Variants in CEP192 observed in about 807,000 individuals in gnomAD.
CEP192 encodes centrosomal protein 192.
A neutral mutation model predicts 271.8 loss-of-function variants in CEP192; 151 were observed. The observed-to-expected ratio is 0.56, with a 90% CI of 0.49 to 0.64. The LOEUF is 0.64. Among genes scored for constraint, CEP192 ranks in the 30% least tolerant of loss-of-function variants. The pLI is 0.00. For missense variants in CEP192, 2,910 were observed against 3,020.5 expected (o/e 0.96, Z 0.86); for synonymous variants, 995 against 1,076.5 (o/e 0.92, Z 1.48).
intron 6 of CEP192, among the ~76,000 whole-genome samples, chr18:13,015,738 A>T (rs1440828895): frequency 3.3e-5 from 5 of 151,834 alleles, no homozygotes; most frequent in Admixed American, 3.3e-4. Context: ...AAATTAGGGG[A>T]ACCATGAAAT....
At chr18:13,112,068 G>T (rs1312267984) in intron 40 of CEP192, among the ~76,000 whole-genome samples, 1 of 152,202 alleles carries the variant, frequency 6.6e-6, no homozygotes, top group Non-Finnish European at 1.5e-5. Context: ...TAATTTGGCA[G>T]TTTCTCAATA....
chr18:13,039,559 C>T (rs2036093207), intron 13 of CEP192, among the ~76,000 whole-genome samples: 1 of 152,010 alleles, frequency 6.6e-6, no homozygotes, highest in Non-Finnish European at 1.5e-5. Context: ...AGGTAGGAAC[C>T]AGGGTGGCAT....
In CEP192 at chr18:13,001,594, C is replaced by T; in HGVS notation, c.290+12C>T. 1 of 1,542,018 alleles carries T rather than the reference C, an allele frequency of 6.5e-7. No homozygotes were observed. The highest frequency in any genetic ancestry group is 8.7e-7 in the Non-Finnish European group (1 of 1,144,298). On this transcript the variant is annotated intron_variant, in intron 3 of 44. Transcript: ENST00000506447. Reference sequence around the variant, plus strand: ...TTCCAGGATGATGAGTAAGTTCATACCTTCATTTGCTTGTACTGTGTTAAA... The same window carrying T: ...TTCCAGGATGATGAGTAAGTTCATATCTTCATTTGCTTGTACTGTGTTAAA...
intron 17 of CEP192, 116 bp from the exon 18 acceptor site, chr18:13,052,803 A>T: frequency 1.5e-6 from 1 of 682,086 alleles, no homozygotes; most frequent in Non-Finnish European, 2.4e-6. Flanking sequence ...AAGTGTAAAC[A>T]TTGAATTTGT....
At chr18:13,014,241 TTAA>T (rs2034518327) in intron 5 of CEP192, among the ~76,000 whole-genome samples, 1 of 152,108 alleles carries the variant, frequency 6.6e-6, no homozygotes, top group South Asian at 2.1e-4. Flanking sequence ...ATTTTTGAAA[TTAA>T]TAATATAAGG....
At position 13,050,752 on chromosome 18, in the gene CEP192, G is replaced by A. The variant is rs141655835; in HGVS notation, c.3017+861G>A. On this transcript the variant is annotated intron_variant, in intron 17 of 44. Coordinates refer to ENST00000506447, the MANE Select transcript of CEP192 (RefSeq NM_032142.4). ...GTGCCACCATGCCTGGCTAATTTTT[G>A]TATTTTTAGTAGAGATGGGGTTTCA... Among the ~76,000 whole-genome samples, 104 of 151,874 alleles carry A rather than the reference G, an allele frequency of 6.8e-4. 2 individuals are homozygous for A. The highest frequency in any genetic ancestry group is 2.0e-3 in the African/African-American group (83 of 41,432).
chr18:13,038,614 A>G (rs1039571278), intron 13 of CEP192, 35 bp downstream of exon 13: 2 of 1,461,310 alleles, frequency 1.4e-6, no homozygotes, highest in Admixed American at 3.9e-5. Context: ...GCTCACAGTC[A>G]CCAGATTTTA....
At position 13,059,282 on chromosome 18, in the gene CEP192, C is replaced by T. The variant is rs375744180; in HGVS notation, c.4458C>T (p.Leu1486=). ...QAEALASTVT[L]TAIAESPVIE... ...AAGCTTTGGCCAGCACCGTCACTCT[C>T]ACTGCCATTGCCGAGAGTCCTGTTA... The change falls in exon 21 of 45, where the codon CTC becomes CTT. Residue 1486 remains leucine (L), a synonymous_variant. Coordinates refer to ENST00000506447, the MANE Select transcript of CEP192 (RefSeq NM_032142.4). 43 of 1,614,142 alleles carry T rather than the reference C, an allele frequency of 2.7e-5. No homozygotes were observed. The African/African-American group carries it at 5.3e-4, about 20-fold the overall frequency.
At chr18:12,993,119 C>T (rs2032979757) in intron 1 of CEP192, among the ~76,000 whole-genome samples, 1 of 152,152 alleles carries the variant, frequency 6.6e-6, no homozygotes, top group South Asian at 2.1e-4. Flanking sequence ...TGGGTCTCAG[C>T]TCCAGAAGTG....
chr18:13,032,928 A>G (rs1004663686), intron 11 of CEP192, among the ~76,000 whole-genome samples: 1 of 151,900 alleles, frequency 6.6e-6, no homozygotes, highest in Admixed American at 6.6e-5. Flanking sequence ...CTAAGAACAC[A>G]CACTCTATAG....
chr18:13,059,556 C>T (rs981193343), intron 21 of CEP192, among the ~76,000 whole-genome samples: 9 of 152,064 alleles, frequency 5.9e-5, no homozygotes, highest in Non-Finnish European at 1.2e-4. Flanking sequence ...CACTATTTTC[C>T]ACTGATTTCC....
rs756817438 is a variant in CEP192 at position 13,113,618 on chromosome 18, G to A, written c.7080G>A (p.Gly2360=). ...VSITFLPRGR[G]DYAQFWDVEC... ...TCACATTTTTGCCCAGAGGTAGGGG[G>A]GATTATGCCCAGTTTTGGGATGTTG... Residue 2360 remains glycine, a synonymous_variant, in exon 41 of 45, where the codon GGG becomes GGA. Transcript: ENST00000506447. 76 of 1,613,046 alleles carry A rather than the reference G, an allele frequency of 4.7e-5. No homozygotes were observed. The highest frequency in any genetic ancestry group is 6.4e-5 in the Non-Finnish European group (75 of 1,179,500).
intron 12 of CEP192, 123 bp from the exon 13 acceptor site, chr18:13,038,247 T>G (rs535335629): frequency 2.3e-5 from 17 of 742,974 alleles, no homozygotes; most frequent in African/African-American, 1.1e-4. Context: ...ATTTTTTTTT[T>G]GTCTAGTTTT....
intron 1 of CEP192, among the ~76,000 whole-genome samples, chr18:12,994,369 AGG>A (rs1318808880): frequency 6.6e-6 from 1 of 152,030 alleles, no homozygotes; most frequent in African/African-American, 2.4e-5. Context: ...GACCTGTGGT[AGG>A]GGTGGGCTTT....
intron 44 of CEP192, among the ~76,000 whole-genome samples, chr18:13,122,206 G>A (rs1189133743): frequency 5.9e-5 from 9 of 152,188 alleles, no homozygotes; most frequent in African/African-American, 2.2e-4. Flanking sequence ...GGTGAATCAC[G>A]AGGTCAAGAG....
At chr18:13,069,706 G>T in intron 26 of CEP192, 32 bp from the exon 27 acceptor site, 1 of 1,279,820 alleles carries the variant, frequency 7.8e-7, no homozygotes. Context: ...TTGTAAGTCG[G>T]CATTCAATTA....
At chr18:13,006,142 A>G (rs897099974) in intron 3 of CEP192, among the ~76,000 whole-genome samples, 23 of 151,868 alleles carry the variant, frequency 1.5e-4, no homozygotes, top group South Asian at 1.0e-3. Flanking sequence ...GGGTTGTTCT[A>G]TATCTACTTT....
chr18:13,054,942 C>T (rs1309120231), intron 18 of CEP192, among the ~76,000 whole-genome samples: 2 of 152,052 alleles, frequency 1.3e-5, no homozygotes, highest in African/African-American at 4.8e-5. Context: ...TTCATAGAGC[C>T]ACACAAGTTT....
At chr18:13,118,107 A>C (rs1290707869) in intron 44 of CEP192, among the ~76,000 whole-genome samples, 1 of 152,144 alleles carries the variant, frequency 6.6e-6, no homozygotes, top group African/African-American at 2.4e-5. Flanking sequence ...TACTGTTCTT[A>C]ATCAGGGCCT....
Sources: allele counts gnomAD v4.1 joint callset (sites outside exome capture counted in the v4.1 genomes callset), GRCh38; gene constraint gnomAD v4.1.1; transcripts MANE v1.5; gene names NCBI Gene and HGNC (gene_info 2026-07-23, HGNC 2026-07-21).